Variants in SNAPC4 observed in about 807,000 individuals in gnomAD.
SNAPC4 encodes the protein small nuclear RNA activating complex polypeptide 4.
Under a neutral mutation model 151.3 loss-of-function variants are expected in SNAPC4, and 127 were observed. The observed-to-expected ratio is 0.84, with a 90% CI of 0.73 to 0.97. The LOEUF (loss-of-function observed/expected upper bound fraction) is 0.97. SNAPC4 is among the 50% of genes least tolerant of loss of function. The pLI, the probability that SNAPC4 is intolerant of heterozygous loss-of-function variation, is 0.00. For synonymous variants in SNAPC4, 1,002 were observed against 824.4 expected, an observed-to-expected ratio of 1.22 and a Z score of -3.69; for missense variants, 2,186 against 1,935.0, an observed-to-expected ratio of 1.13 and a Z score of -2.43.
At chr9:136,394,450 G>A (rs569964825) in intron 6 of SNAPC4, 120 bp from the exon 7 acceptor site, 32 of 838,938 alleles carry the variant, frequency 3.8e-5, no homozygotes, top group South Asian at 1.5e-4. Flanking sequence ...TAAGCAGCAC[G>A]CCAGACCTAC....
chr9:136,377,198 CGT>C (rs763872337), intron 22 of SNAPC4, among the ~76,000 whole-genome samples: 1 of 152,214 alleles, frequency 6.6e-6, no homozygotes, highest in Non-Finnish European at 1.5e-5. Context: ...TGGGAGCACA[CGT>C]GTGTGTGGCG....
chr9:136,376,196 CT>C (rs1224483599), intron 23 of SNAPC4, among the ~76,000 whole-genome samples, 152 bp downstream of exon 23: 8 of 152,190 alleles, frequency 5.3e-5, no homozygotes, highest in Non-Finnish European at 1.5e-5. Flanking sequence ...GCTTCTCCCC[CT>C]GGAGGGCCTC....
intron 6 of SNAPC4, 72 bp downstream of exon 6, chr9:136,394,728 A>C: frequency 1.5e-6 from 2 of 1,371,276 alleles, no homozygotes; most frequent in South Asian, 2.4e-5. Context: ...CTTGGGGAGA[A>C]ACTGGGGAAA....
At position 136,383,888 on chromosome 9, in the gene SNAPC4, TG is replaced by T; in HGVS notation, c.1500+64del. On this transcript the variant is annotated intron_variant, in intron 15 of 23. Transcript: ENST00000684778. This position sits in a 1 kb window ranked among gnomAD's most constrained non-coding sequence, Gnocchi z 4.2. ...CCCCCTCCCCTCCCCTCCTCCTGCCTGCTGGACCCCCCAGTTGACCAGGCCA... is the reference window on the plus strand; with the variant it reads ...CCCCCTCCCCTCCCCTCCTCCTGCCTCTGGACCCCCCAGTTGACCAGGCCA... 1 of 1,216,486 alleles carries T rather than the reference TG, an allele frequency of 8.2e-7. No homozygotes were observed. Among genetic ancestry groups the T allele is most frequent in the South Asian group, 1.2e-5 (1 of 82,684 alleles). 75.4% of individuals were successfully genotyped at this position (1,216,486 alleles called of 1,614,324 possible).
At chr9:136,380,238 C>T (rs1833638566) in intron 20 of SNAPC4, among the ~76,000 whole-genome samples, 1 of 151,714 alleles carries the variant, frequency 6.6e-6, no homozygotes, top group Non-Finnish European at 1.5e-5. Context: ...GCAGCTCCTC[C>T]TAAGGGTGCC....
chr9:136,393,582 G>A (rs1834155954), intron 7 of SNAPC4, among the ~76,000 whole-genome samples: 1 of 152,206 alleles, frequency 6.6e-6, no homozygotes, highest in African/African-American at 2.4e-5. Context: ...TTCAGGAATG[G>A]GAAAGGGAAG....
At chr9:136,392,229 T>C (rs943546526) in intron 9 of SNAPC4, 123 bp from the exon 10 acceptor site, 1 of 1,258,642 alleles carries the variant, frequency 7.9e-7, no homozygotes, top group Non-Finnish European at 1.1e-6. Context: ...GTAAGCGCAA[T>C]CTTCGTCCAA....
intron 4 of SNAPC4, 81 bp downstream of exon 4, chr9:136,395,522 G>A (rs1588767327): frequency 1.2e-5 from 18 of 1,563,464 alleles, no homozygotes; most frequent in Non-Finnish European, 1.6e-5. Context: ...GAGCTGGGGA[G>A]CCCTGGACCT....
chr9:136,396,410 G>A (rs1834276001), intron 3 of SNAPC4, among the ~76,000 whole-genome samples: 1 of 152,214 alleles, frequency 6.6e-6, no homozygotes, highest in African/African-American at 2.4e-5. Context: ...TGCTGTTTGG[G>A]TGCTTGTGTA....
At chr9:136,389,915 ATC>A (rs1296285898) in intron 10 of SNAPC4, among the ~76,000 whole-genome samples, 1 of 152,200 alleles carries the variant, frequency 6.6e-6, no homozygotes, top group African/African-American at 2.4e-5. Flanking sequence ...AGGAGAAAGA[ATC>A]TGGCGGGGGA....
intron 3 of SNAPC4, 95 bp downstream of exon 3, chr9:136,396,882 C>T (rs918441686): frequency 2.3e-5 from 21 of 913,648 alleles, no homozygotes; most frequent in Non-Finnish European, 3.5e-5. Context: ...TGCAGAAAAA[C>T]CAATATGGGT....
rs1240107233 is a variant in SNAPC4, at chr9:136,392,594, G to C, written c.738C>G (p.Asn246Lys). Residue 246 changes from asparagine (N) to lysine (K), a missense_variant and splice_region_variant, in exon 9 of 24, where the codon AAC becomes AAG. Physicochemically the swap from Asn to Lys is moderately conservative, Grantham distance 94. Coordinates refer to ENST00000684778, the MANE Select transcript of SNAPC4 (RefSeq NM_003086.4). ...CCAGCAAGGCCTCTTCTGGAAGCTG[G>C]CTGGTGGAAGGGATGAGGGTATTGG... is the stretch of plus-strand genomic sequence containing the variant. Reference protein sequence around the residue: ...REAEKEIQDINQLPEEALLGN... With the variant: ...REAEKEIQDIKQLPEEALLGN... 1 of 1,613,896 alleles carries C rather than the reference G, an allele frequency of 6.2e-7. No individual in the cohort carries two copies.
Position 136,375,631 on chromosome 9 carries a change from G to C in SNAPC4, c.*177C>G, listed in dbSNP as rs994614879. 6.6e-6 allele frequency: 1 copy of C among 152,480 alleles called. No homozygotes were observed. Among genetic ancestry groups the C allele is most frequent in the Admixed American group, 6.5e-5 (1 of 15,306 alleles). The allele number at this position is 152,480 out of a possible 1,614,324, so 9.4% of individuals were successfully genotyped here. A position where few individuals can be genotyped will look rare whatever the true frequency, so the allele number is the denominator to read the frequency against. ...CCAAGTGTTCAGGTGTGCACTTGGG[G>C]AACAGCCATGCTCCATGCCACACAG... On this transcript the variant is annotated 3_prime_UTR_variant, in exon 24 of 24. Transcript: ENST00000684778.
intron 13 of SNAPC4, among the ~76,000 whole-genome samples, chr9:136,386,686 G>A (rs879403729): frequency 2.0e-5 from 3 of 152,072 alleles, no homozygotes; most frequent in Non-Finnish European, 2.9e-5. Context: ...CGCCGGCCTC[G>A]GCCTCCCAAA....
chr9:136,381,480 C>A, intron 18 of SNAPC4, 88 bp from the exon 19 acceptor site: 1 of 1,234,922 alleles, frequency 8.1e-7, no homozygotes, highest in Non-Finnish European at 1.2e-6. Context: ...CTCCCACGTG[C>A]CTTTCGAGGC....
chr9:136,382,875 G>C (rs925443386), intron 16 of SNAPC4, among the ~76,000 whole-genome samples: 3 of 152,174 alleles, frequency 2.0e-5, no homozygotes, highest in African/African-American at 7.2e-5. Context: ...CTCACGAGGA[G>C]GGAGGAGGGG....
At position 136,383,559 on chromosome 9, in the gene SNAPC4, C is replaced by G. The variant is rs747938130; in HGVS notation, c.1610G>C (p.Ser537Thr). 6.2e-7 allele frequency: 1 copy of G among 1,607,068 alleles called. No individual in the cohort carries two copies. Among genetic ancestry groups the G allele is most frequent in the South Asian group, 1.1e-5 (1 of 90,592 alleles). ...SSGSSGGSSS[S>T]SSSSSEEDEP... ...GTCCTCCTCGCTGCTGCTGCTGCTG[C>G]TGCTGCTGCTCCCTCCACTGCTGCC... The change falls in exon 16 of 24, where the codon AGC becomes ACC. Residue 537 changes from serine to threonine, a missense_variant. Ser to Thr is a moderately conservative substitution (Grantham distance 58, BLOSUM62 1). Transcript: ENST00000684778. The surrounding 1 kb of genome is among the most constrained non-coding windows in gnomAD (Gnocchi z 4.2).
rs777210011 is a variant in SNAPC4 at position 136,377,953 on chromosome 9, C to A, written c.3874G>T (p.Val1292Leu). 5 of 1,601,768 alleles carry A rather than the reference C, an allele frequency of 3.1e-6. No homozygotes were observed. The highest frequency in any genetic ancestry group is 1.3e-5 in the African/African-American group (1 of 74,708). The change falls in exon 22 of 24, where the codon GTG (valine) becomes TTG (leucine). Residue 1292 changes from valine to leucine, a missense_variant. Val to Leu is a conservative substitution (Grantham distance 32). Transcript: ENST00000684778. The part of the protein sequence containing the change: ...TQQWLGGQRG[V>L]RVPLLGSRLP... ...CTGCTGCCCAGAAGAGGCACACGCACCCCCCGCTGGCCCCCCAGCCACTGC... is the reference window on the plus strand; with the variant it reads ...CTGCTGCCCAGAAGAGGCACACGCAACCCCCGCTGGCCCCCCAGCCACTGC...
rs374835366 is a variant in SNAPC4, at chr9:136,383,218, G to A, written c.1951C>T (p.Arg651Cys). The change falls in exon 16 of 24, where the codon CGC becomes TGC. Residue 651 changes from arginine (R) to cysteine (C), a missense_variant. Physicochemically the swap from Arg to Cys is radical, Grantham distance 180. Coordinates refer to ENST00000684778, the MANE Select transcript of SNAPC4 (RefSeq NM_003086.4). The surrounding 1 kb of genome is among the most constrained non-coding windows in gnomAD (Gnocchi z 4.2). ...SAQASHSADT[R>C]PAGAEKQALE... ...GCCTGCTTCTCTGCGCCCGCCGGGC[G>A]AGTGTCTGCTGAGTGGGAGGCCTGG... 2.1e-5 allele frequency: 33 copies of A among 1,561,086 alleles called. No homozygotes were observed. In the Admixed American group the frequency reaches 2.6e-4, roughly 12 times the overall value.
Sources: gnomAD v4.1 joint callset for allele counts (sites outside exome capture counted in the v4.1 genomes callset) on GRCh38, gnomAD v4.1.1 for gene constraint, Gnocchi (gnomAD v3.1) non-coding constraint, MANE v1.5 for transcripts, NCBI Gene and HGNC (gene_info 2026-07-23, HGNC 2026-07-21) for gene names.